ZNF804A: variants seen among roughly 807,000 people sequenced by gnomAD.
ZNF804A encodes the protein zinc finger protein 804A.
ZNF804A carries 2 observed loss-of-function variants against 16.5 expected under a neutral mutation model. That is an observed-to-expected ratio of 0.12 (90% CI 0.05 to 0.38). ZNF804A has a LOEUF of 0.38. ZNF804A is among the 10% of genes least tolerant of loss of function. The pLI is 0.99. For synonymous variants in ZNF804A, 534 were observed against 489.6 expected (o/e 1.09, Z -1.20); for missense variants, 1,473 against 1,390.7 (o/e 1.06, Z -0.94).
At chr2:184,650,639 C>A (rs1691966528) in intron 1 of ZNF804A, among the ~76,000 whole-genome samples, 1 of 152,032 alleles carries the variant, frequency 6.6e-6, no homozygotes, top group South Asian at 2.1e-4. Flanking sequence ...AGTAGCATTT[C>A]TTAACATCTG....
intron 1 of ZNF804A, among the ~76,000 whole-genome samples, chr2:184,816,598 A>G (rs1694987327): frequency 6.6e-6 from 1 of 151,950 alleles, no homozygotes; most frequent in Admixed American, 6.6e-5. Flanking sequence ...TTTAGAACTA[A>G]TTTTTGCCAT....
At chr2:184,720,788 T>C (rs1390707523) in intron 1 of ZNF804A, among the ~76,000 whole-genome samples, 1 of 152,030 alleles carries the variant, frequency 6.6e-6, no homozygotes, top group African/African-American at 2.4e-5. Flanking sequence ...CAAAAAGACC[T>C]CAAATAGCCA....
chr2:184,898,455 G>A (rs935618963), intron 2 of ZNF804A, among the ~76,000 whole-genome samples: 17 of 152,032 alleles, frequency 1.1e-4, no homozygotes, highest in African/African-American at 4.1e-4. Flanking sequence ...AACAGTTTTC[G>A]TTATCTATAT....
At chr2:184,817,107 G>T (rs1192441076) in intron 1 of ZNF804A, among the ~76,000 whole-genome samples, 2 of 152,054 alleles carry the variant, frequency 1.3e-5, no homozygotes, top group East Asian at 3.9e-4. Context: ...AGCATTTGGA[G>T]AAGTGGTCAT....
chr2:184,721,543 A>G (rs1693315122), intron 1 of ZNF804A, among the ~76,000 whole-genome samples: 1 of 152,090 alleles, frequency 6.6e-6, no homozygotes, highest in Non-Finnish European at 1.5e-5. Flanking sequence ...TTATCATCTT[A>G]CTCCTGTTAC....
intron 2 of ZNF804A, among the ~76,000 whole-genome samples, chr2:184,896,650 C>A (rs1685074483): frequency 6.6e-6 from 1 of 152,054 alleles, no homozygotes; most frequent in Non-Finnish European, 1.5e-5. Flanking sequence ...CTCATATAGA[C>A]AAAACACCAT....
At chr2:184,669,768 A>ACACACT (rs59149021) in intron 1 of ZNF804A, among the ~76,000 whole-genome samples, 123,997 of 151,074 alleles carry the variant, frequency 0.82, 51,276 homozygotes, top group Non-Finnish European at 0.88. Flanking sequence ...ACACACGCAC[A>ACACACT]CACACACACA....
At chr2:184,622,658 T>C (rs993856275) in intron 1 of ZNF804A, among the ~76,000 whole-genome samples, 5 of 151,882 alleles carry the variant, frequency 3.3e-5, no homozygotes, top group African/African-American at 9.7e-5. Context: ...TAAGTTGCTT[T>C]CAGAAAACAC....
chr2:184,612,964 T>G (rs1383299474), intron 1 of ZNF804A, among the ~76,000 whole-genome samples: 2 of 152,230 alleles, frequency 1.3e-5, no homozygotes, highest in Non-Finnish European at 2.9e-5. Context: ...AAGCTAAATT[T>G]GATAAAGTAA....
At chr2:184,649,497 G>A (rs1481804004) in intron 1 of ZNF804A, among the ~76,000 whole-genome samples, 2 of 152,022 alleles carry the variant, frequency 1.3e-5, no homozygotes, top group African/African-American at 4.8e-5. Flanking sequence ...TTGGTTATTT[G>A]AAAGGATAAA....
intron 1 of ZNF804A, among the ~76,000 whole-genome samples, chr2:184,708,105 T>G (rs1421386446): frequency 6.6e-6 from 1 of 152,046 alleles, no homozygotes; most frequent in Non-Finnish European, 1.5e-5. Context: ...TGTGTCTGTT[T>G]ATGTTTTGTA....
intron 1 of ZNF804A, among the ~76,000 whole-genome samples, chr2:184,786,691 T>C (rs974547227): frequency 2.6e-5 from 4 of 151,962 alleles, no homozygotes; most frequent in Non-Finnish European, 5.9e-5. Context: ...TGAAGAGCAA[T>C]TGTTTCCTCT....
At chr2:184,837,546 AAG>A (rs764549242) in intron 1 of ZNF804A, among the ~76,000 whole-genome samples, 75 of 152,286 alleles carry the variant, frequency 4.9e-4, no homozygotes, top group Admixed American at 1.6e-3. Context: ...CTGATAGAGT[AAG>A]AGGCATAATT....
chr2:184,896,799 T>G (rs1177977261), intron 2 of ZNF804A, among the ~76,000 whole-genome samples: 15 of 144,072 alleles, frequency 1.0e-4, no homozygotes. Flanking sequence ...ACATCGAAAT[T>G]CAACATTACA....
chr2:184,765,647 A>T (rs1694112753), intron 1 of ZNF804A, among the ~76,000 whole-genome samples: 1 of 141,616 alleles, frequency 7.1e-6, no homozygotes, highest in African/African-American at 2.7e-5. Flanking sequence ...AGGGACAGGA[A>T]TTGCTCAGTC....
At chr2:184,673,989 A>G (rs1002992729) in intron 1 of ZNF804A, among the ~76,000 whole-genome samples, 1 of 152,138 alleles carries the variant, frequency 6.6e-6, no homozygotes, top group Non-Finnish European at 1.5e-5. Flanking sequence ...CCCGCTAGTG[A>G]AATTGTTGCA....
chr2:184,725,516 T>C (rs1693395831), intron 1 of ZNF804A, among the ~76,000 whole-genome samples: 1 of 151,682 alleles, frequency 6.6e-6, no homozygotes, highest in Non-Finnish European at 1.5e-5. Context: ...TTTGAAACTT[T>C]CATTTAGGAA....
chr2:184,836,793 A>T (rs1695355167), intron 1 of ZNF804A, among the ~76,000 whole-genome samples: 1 of 151,738 alleles, frequency 6.6e-6, no homozygotes. Flanking sequence ...TTATATTGAT[A>T]TGGTTATCAA....
chr2:184,615,912 G>A (rs1691312225), intron 1 of ZNF804A, among the ~76,000 whole-genome samples: 1 of 152,012 alleles, frequency 6.6e-6, no homozygotes, highest in Non-Finnish European at 1.5e-5. Context: ...AAAGTTCCTG[G>A]GCCTGAAGAT....
Sources: allele counts gnomAD v4.1 joint callset (sites outside exome capture counted in the v4.1 genomes callset), GRCh38; gene constraint gnomAD v4.1.1; transcripts MANE v1.5; gene names NCBI Gene and HGNC (gene_info 2026-07-23, HGNC 2026-07-21).